ARID1B: variants seen among roughly 807,000 people sequenced by gnomAD.
The protein encoded by ARID1B is AT-rich interaction domain 1B, also known as AT-rich interactive domain-containing protein 1B.
Under a neutral mutation model 212.3 loss-of-function variants are expected in ARID1B, and 30 were observed. The ratio of observed to expected loss-of-function variants is 0.14; its 90% confidence interval spans 0.11 to 0.19. The LOEUF (loss-of-function observed/expected upper bound fraction) is 0.19, where lower values mean the gene tolerates loss of function less well. ARID1B is among the 10% of genes least tolerant of loss of function. ARID1B has a pLI of 1.00. For synonymous variants in ARID1B, 1,402 were observed against 1,301.7 expected (o/e 1.08, Z -1.66); for missense variants, 2,891 against 3,204.0 (o/e 0.90, Z 2.36).
At chr6:157,189,967 A>T (rs2128339437) in intron 14 of ARID1B, 71 bp from the exon 15 acceptor site, 1 of 1,588,548 alleles carries the variant, frequency 6.3e-7, no homozygotes, top group South Asian at 1.2e-5. Flanking sequence ...AGATGGGTTC[A>T]TCTTCTGAAT....
At chr6:157,112,922 C>CT (rs573564655) in intron 6 of ARID1B, among the ~76,000 whole-genome samples, 12,000 of 137,220 alleles carry the variant, frequency 0.087, 1,413 homozygotes, top group African/African-American at 0.27. Context: ...ATGACCACTT[C>CT]TTTTTTTTTT....
At chr6:156,939,656 A>G (rs1443354177) in intron 4 of ARID1B, 1 of 152,110 alleles carries the variant, frequency 6.6e-6, no homozygotes, top group Non-Finnish European at 1.5e-5. Context: ...GGTGCTGCTG[A>G]GTGATTAAAT....
At chr6:157,058,234 A>G (rs1783091959) in intron 4 of ARID1B, among the ~76,000 whole-genome samples, 2 of 150,798 alleles carry the variant, frequency 1.3e-5, no homozygotes, top group Admixed American at 6.6e-5. Flanking sequence ...AATTATTATC[A>G]GCAACTGTTT....
intron 2 of ARID1B, among the ~76,000 whole-genome samples, chr6:156,888,690 A>AG (rs1787704272): frequency 6.6e-6 from 1 of 152,172 alleles, no homozygotes; most frequent in South Asian, 2.1e-4. Flanking sequence ...AATCCCCGTG[A>AG]GGCAAGGCAG....
At chr6:157,083,422 G>C (rs984985671) in intron 4 of ARID1B, among the ~76,000 whole-genome samples, 2 of 152,204 alleles carry the variant, frequency 1.3e-5, no homozygotes, top group African/African-American at 4.8e-5. Flanking sequence ...CTGAGCACCT[G>C]CTGATGGGGG....
intron 6 of ARID1B, among the ~76,000 whole-genome samples, chr6:157,125,967 C>A (rs753404938): frequency 1.8e-4 from 28 of 152,106 alleles, no homozygotes; most frequent in Non-Finnish European, 3.7e-4. Flanking sequence ...TTCAGTTCCT[C>A]GAGGGCAAGG....
chr6:157,079,914 GAC>G (rs1784536577), intron 4 of ARID1B, among the ~76,000 whole-genome samples: 1 of 152,172 alleles, frequency 6.6e-6, no homozygotes, highest in Admixed American at 6.5e-5. Context: ...AAGGAGAAGA[GAC>G]ACTACTTCTG....
chr6:157,206,895 G>T lies in ARID1B; in HGVS notation c.6123G>T (p.Leu2041=), dbSNP rs778300670. 21 of 1,614,164 alleles carry T rather than the reference G, an allele frequency of 1.3e-5. No homozygotes were observed. Among genetic ancestry groups the T allele is most frequent in the Non-Finnish European group, 1.8e-5 (21 of 1,180,038 alleles). ...QQAKSHRNIK[L]LEDEPRSRDE... ...CCAAAAGTCACCGGAACATCAAGCTGCTGGAGGACGAGCCCAGGAGCCGAG... is the reference window on the plus strand; with the variant it reads ...CCAAAAGTCACCGGAACATCAAGCTTCTGGAGGACGAGCCCAGGAGCCGAG... The change falls in exon 20 of 20, where the codon CTG becomes CTT. Residue 2041 remains leucine (L), a synonymous_variant. Transcript: ENST00000636930. The surrounding 1 kb of genome is among the most constrained non-coding windows in gnomAD (Gnocchi z 6.8).
rs146880507 is a variant in ARID1B, at chr6:157,059,247, G to T, written c.2248-25415G>T. 6.0e-4 allele frequency among the ~76,000 whole-genome samples: 92 copies of T among 152,288 alleles called. No individual in the cohort carries two copies. The East Asian group carries it at 0.013, about 22-fold the overall frequency. On this transcript the variant is annotated intron_variant, in intron 4 of 19. Coordinates refer to ENST00000636930, the MANE Select transcript of ARID1B (RefSeq NM_001374828.1). ...ATAAATGAAAGTTTTACATTATCAT[G>T]TGTAACAGTTTGTTATATAATAGAG... is the stretch of plus-strand genomic sequence containing the variant.
chr6:156,843,482 G>A (rs1004112247), intron 2 of ARID1B, among the ~76,000 whole-genome samples: 8 of 152,058 alleles, frequency 5.3e-5, no homozygotes, highest in Admixed American at 1.3e-4. Context: ...AGAGGACCAC[G>A]GCAGGGACAC....
intron 2 of ARID1B, among the ~76,000 whole-genome samples, chr6:156,849,466 T>TG (rs1295022202): frequency 6.6e-6 from 1 of 152,230 alleles, no homozygotes; most frequent in Non-Finnish European, 1.5e-5. Context: ...AGCCAACATG[T>TG]GGGACCCGCT....
In ARID1B at chr6:156,777,826, C is replaced by G. The variant is rs2114953953; in HGVS notation, c.146C>G (p.Ala49Gly). The G allele has an allele frequency of 1.9e-6, 2 of 1,074,456 alleles. No individual in the cohort carries two copies. Among genetic ancestry groups the G allele is most frequent in the Non-Finnish European group, 2.3e-6 (2 of 886,764 alleles). 66.6% of individuals were successfully genotyped at this position (1,074,456 alleles called of 1,614,324 possible). A position where few individuals can be genotyped will look rare whatever the true frequency, so the allele number is the denominator to read the frequency against. The change falls in exon 1 of 20, where the codon GCG becomes GGG. Residue 49 changes from alanine to glycine, a missense_variant. By Grantham distance (60) the Ala-to-Gly change is moderately conservative. This residue lies in a region of ARID1B where 1,643 missense variants were observed against 1,544.0 expected (regional missense o/e 1.06). Coordinates refer to ENST00000636930, the MANE Select transcript of ARID1B (RefSeq NM_001374828.1). ...GAGGCGGGGGCGCGCGGCGCGGCGG[C>G]GGCGGCGGCGGCACCGGGACCCATG... ...DLEAGARGAAAAAAAPGPMLG... is the reference protein window; with the variant it reads ...DLEAGARGAAGAAAAPGPMLG...
chr6:157,061,367 G>T (rs566785420), intron 4 of ARID1B, among the ~76,000 whole-genome samples: 1 of 152,286 alleles, frequency 6.6e-6, no homozygotes, highest in South Asian at 2.1e-4. Flanking sequence ...ACTTAGAATG[G>T]TACGGAGCAC....
At chr6:156,900,093 A>G (rs903602957) in intron 2 of ARID1B, among the ~76,000 whole-genome samples, 3 of 152,234 alleles carry the variant, frequency 2.0e-5, no homozygotes, top group African/African-American at 7.2e-5. Context: ...TAAAATAAAT[A>G]AAAGCAAAAA....
chr6:157,005,116 G>A (rs1231861760), intron 4 of ARID1B, among the ~76,000 whole-genome samples: 3 of 144,406 alleles, frequency 2.1e-5, no homozygotes, highest in Admixed American at 6.9e-5. Context: ...GTTTCACCAT[G>A]TTGGCCAGGC....
At chr6:157,029,979 A>C (rs542738828) in intron 4 of ARID1B, among the ~76,000 whole-genome samples, 10 of 152,234 alleles carry the variant, frequency 6.6e-5, no homozygotes, top group Non-Finnish European at 1.3e-4. Context: ...CTGTAAATCC[A>C]TGGCACCTAG....
intron 4 of ARID1B, chr6:156,936,821 A>G (rs1381397523): frequency 6.7e-6 from 1 of 150,084 alleles, no homozygotes; most frequent in Non-Finnish European, 1.5e-5. Flanking sequence ...TGTTTGCATT[A>G]ACTTAGATTT....
chr6:157,100,021 C>G (rs963857887), intron 5 of ARID1B, among the ~76,000 whole-genome samples: 10 of 152,088 alleles, frequency 6.6e-5, no homozygotes, highest in African/African-American at 2.2e-4. Context: ...GAAAGTCTAG[C>G]CCCGTTTTGA....
intron 5 of ARID1B, among the ~76,000 whole-genome samples, chr6:157,107,111 A>G (rs944976949): frequency 6.6e-6 from 1 of 152,204 alleles, no homozygotes; most frequent in African/African-American, 2.4e-5. Flanking sequence ...ACCTCATTTT[A>G]GGGATAAAAA....
Sources: allele counts gnomAD v4.1 joint callset (sites outside exome capture counted in the v4.1 genomes callset), GRCh38; gene constraint gnomAD v4.1.1; regional missense constraint gnomAD v4.1.1; non-coding constraint Gnocchi (gnomAD v3.1); transcripts MANE v1.5; gene names NCBI Gene and HGNC (gene_info 2026-07-23, HGNC 2026-07-21).